ANKRD36: variants seen among roughly 807,000 people sequenced by gnomAD.
ANKRD36 encodes ankyrin repeat domain 36, also known as ankyrin repeat domain-containing protein 36A.
Under a neutral mutation model 278.1 loss-of-function variants are expected in ANKRD36, and 179 were observed. That is an observed-to-expected ratio of 0.64 (90% confidence interval 0.57 to 0.73). The LOEUF is 0.73. ANKRD36 is among the 30% of genes least tolerant of loss of function. The pLI, the probability that ANKRD36 is intolerant of heterozygous loss-of-function variation, is 0.00. For synonymous variants in ANKRD36, 320 were observed against 641.1 expected, an observed-to-expected ratio of 0.50 and a Z score of 7.57; for missense variants, 1,159 against 1,956.7, an observed-to-expected ratio of 0.59 and a Z score of 7.69.
At chr2:97,210,554 A>C (rs1364579180) in intron 56 of ANKRD36, among the ~76,000 whole-genome samples, 1 of 151,836 alleles carries the variant, frequency 6.6e-6, no homozygotes, top group Non-Finnish European at 1.5e-5. Context: ...TCAGAGATAC[A>C]TGTTTTGTTG....
intron 50 of ANKRD36, among the ~76,000 whole-genome samples, chr2:97,205,570 A>C (rs1392790690): frequency 2.6e-5 from 4 of 151,534 alleles, no homozygotes; most frequent in Non-Finnish European, 5.9e-5. Context: ...TGTGTGAAAG[A>C]CATGTGGGAT....
rs1206508143 is a variant in ANKRD36, at chr2:97,212,469, C to T, written c.3469+728C>T. On this transcript the variant is annotated intron_variant, in intron 58 of 75. Coordinates refer to ENST00000420699, the MANE Select transcript of ANKRD36 (RefSeq NM_001354587.1). ...ATTTCAGTTATAAAACTGAGATAAACGAATATGAATACATTGGCTTCAAAG... is the reference window on the plus strand; with the variant it reads ...ATTTCAGTTATAAAACTGAGATAAATGAATATGAATACATTGGCTTCAAAG... 4.0e-5 allele frequency among the ~76,000 whole-genome samples: 6 copies of T among 151,830 alleles called. No homozygotes were observed. In the East Asian group the frequency reaches 7.9e-4, roughly 20 times the overall value.
At chr2:97,192,103 T>A (rs1323459420) in intron 36 of ANKRD36, among the ~76,000 whole-genome samples, 3 of 151,788 alleles carry the variant, frequency 2.0e-5, no homozygotes. Context: ...TAAAACTTAA[T>A]AATATCTAAT....
Position 97,149,327 on chromosome 2 carries a change from C to G in ANKRD36, c.1067C>G (p.Pro356Arg), listed in dbSNP as rs1463568703. The G allele has an allele frequency of 1.3e-6, 2 of 1,533,956 alleles. No homozygotes were observed. The highest frequency in any genetic ancestry group is 4.9e-5 in the East Asian group (2 of 40,486). The change falls in exon 12 of 76, where the codon CCT (proline) becomes CGT (arginine). Residue 356 changes from proline (P) to arginine (R), a missense_variant. Pro to Arg is a moderately radical substitution (Grantham distance 103). Transcript: ENST00000420699. ...SLYRPDAVAQ[P>R]VTENEFSLES... is the part of the protein sequence containing the mutation. ...TACAGACCTGATGCTGTTGCACAGCCTGTGACAGAGAATGAGTTTTCTTTG... is the reference window on the plus strand; with the variant it reads ...TACAGACCTGATGCTGTTGCACAGCGTGTGACAGAGAATGAGTTTTCTTTG...
At position 97,202,496 on chromosome 2, in the gene ANKRD36, A is replaced by G. The variant is rs986492083; in HGVS notation, c.2959+103A>G. 1.0e-5 allele frequency: 15 copies of G among 1,488,710 alleles called. No individual in the cohort carries two copies. The African/African-American group carries it at 1.9e-4, about 19-fold the overall frequency. The allele number at this position is 1,488,710 out of a possible 1,614,324, so 92.2% of individuals were successfully genotyped here. ...GGGCTCGTCGAAGCTGCACTTTCTG[A>G]TTCAGCAGGCTGGAGATTCTTCATT... is the stretch of plus-strand genomic sequence containing the variant. On this transcript the variant is annotated intron_variant, in intron 48 of 75. Transcript: ENST00000420699.
rs565559644 is a variant in ANKRD36, at chr2:97,200,598, G to A, written c.2857+73G>A. On this transcript the variant is annotated intron_variant, in intron 46 of 75. Coordinates refer to ENST00000420699, the MANE Select transcript of ANKRD36 (RefSeq NM_001354587.1). ...GTTCTCTTCCCCGAATAAATCAGTC[G>A]GGGGCTGGTTGAAGCTGCACGTTCT... is the stretch of plus-strand genomic sequence containing the variant. 75 of 1,530,810 alleles carry A rather than the reference G, an allele frequency of 4.9e-5. No individual in the cohort carries two copies. In the Admixed American group the frequency reaches 5.1e-4, roughly 10 times the overall value. The allele number at this position is 1,530,810 out of a possible 1,614,324, so 94.8% of individuals were successfully genotyped here.
At chr2:97,132,120 C>T (rs2040345714) in intron 6 of ANKRD36, among the ~76,000 whole-genome samples, 1 of 151,158 alleles carries the variant, frequency 6.6e-6, no homozygotes, top group Non-Finnish European at 1.5e-5. Flanking sequence ...AGCCACCGCC[C>T]CCAGCCTACT....
At chr2:97,132,376 T>G (rs539226365) in intron 6 of ANKRD36, among the ~76,000 whole-genome samples, 45 of 151,494 alleles carry the variant, frequency 3.0e-4, no homozygotes, top group Non-Finnish European at 5.4e-4. Context: ...TCTAGAAGCT[T>G]TCATACTATG....
At chr2:97,205,839 T>A (rs965833408) in intron 50 of ANKRD36, 101 bp from the exon 51 acceptor site, 1 of 1,405,788 alleles carries the variant, frequency 7.1e-7, no homozygotes, top group African/African-American at 1.4e-5. Flanking sequence ...CCTATGCTAA[T>A]ACAGGCAGGA....
chr2:97,195,224 G>T (rs1369480449), intron 40 of ANKRD36, among the ~76,000 whole-genome samples: 8 of 151,974 alleles, frequency 5.3e-5, no homozygotes, highest in African/African-American at 1.4e-4. Context: ...CATTAAGGGT[G>T]TACGGAGAAG....
chr2:97,156,626 G>T (rs1223037477), intron 15 of ANKRD36, among the ~76,000 whole-genome samples: 2 of 135,240 alleles, frequency 1.5e-5, no homozygotes, highest in Non-Finnish European at 3.3e-5. Context: ...ATCATTGTTG[G>T]ACATTTGGGT....
chr2:97,191,655 G>T (rs560527036), intron 36 of ANKRD36, among the ~76,000 whole-genome samples: 1 of 151,638 alleles, frequency 6.6e-6, no homozygotes, highest in Admixed American at 6.6e-5. Flanking sequence ...GAGGCAGGAA[G>T]GTGGGAAAAG....
At chr2:97,248,911 C>CAGCACAAA (rs1178741232) in intron 72 of ANKRD36, 4 of 415,346 alleles carry the variant, frequency 9.6e-6, no homozygotes, top group African/African-American at 8.7e-5. Context: ...CCTGCAATTA[C>CAGCACAAA]AGCACAAAAG....
At chr2:97,191,450 C>G (rs1055778754) in intron 36 of ANKRD36, among the ~76,000 whole-genome samples, 1 of 151,602 alleles carries the variant, frequency 6.6e-6, no homozygotes, top group Non-Finnish European at 1.5e-5. Flanking sequence ...TGGGGAACAG[C>G]ATAATTTTGC....
intron 22 of ANKRD36, among the ~76,000 whole-genome samples, chr2:97,178,802 C>T (rs1341757470): frequency 1.1e-5 from 1 of 88,964 alleles, no homozygotes; most frequent in African/African-American, 2.6e-5. Context: ...ACAATGTGCG[C>T]ATGTACCCTA....
rs935050171 is a variant in ANKRD36, at chr2:97,206,845, A to T, written c.3163+710A>T. 5.3e-5 allele frequency among the ~76,000 whole-genome samples: 8 copies of T among 151,502 alleles called. 1 individual carries two copies. Among genetic ancestry groups the T allele is most frequent in the Non-Finnish European group, 8.9e-5 (6 of 67,716 alleles). On this transcript the variant is annotated intron_variant, in intron 52 of 75. Transcript: ENST00000420699. ...TGTTTTGTTGATTTTAGGTATAGAA[A>T]TCAGACAAACTTGAATCTGAATACA...
chr2:97,195,095 A>C (rs1254274976), intron 40 of ANKRD36, among the ~76,000 whole-genome samples, 178 bp downstream of exon 40: 1 of 151,978 alleles, frequency 6.6e-6, no homozygotes, highest in South Asian at 2.1e-4. Context: ...CATGATCTTC[A>C]CTGTAAGATT....
intron 1 of ANKRD36, among the ~76,000 whole-genome samples, chr2:97,117,567 C>T (rs1250894406): frequency 6.6e-6 from 1 of 151,916 alleles, no homozygotes; most frequent in African/African-American, 2.4e-5. Context: ...AGAAAATGAG[C>T]ATCTGAGAAT....
At chr2:97,151,290 A>G (rs1046241179) in intron 12 of ANKRD36, among the ~76,000 whole-genome samples, 1 of 151,872 alleles carries the variant, frequency 6.6e-6, no homozygotes, top group Non-Finnish European at 1.5e-5. Context: ...TCATTCGTGA[A>G]TCATTGCTCC....
Sources: allele counts gnomAD v4.1 joint callset (sites outside exome capture counted in the v4.1 genomes callset), GRCh38; gene constraint gnomAD v4.1.1; transcripts MANE v1.5; gene names NCBI Gene and HGNC (gene_info 2026-07-23, HGNC 2026-07-21).